SLC25A21: variants seen among roughly 807,000 people sequenced by gnomAD.
SLC25A21 encodes solute carrier family 25 member 21.
In SLC25A21, 47 loss-of-function variants were observed where a neutral mutation model predicts 43.8. That is an observed-to-expected ratio of 1.07 (90% CI 0.85 to 1.37). The LOEUF (loss-of-function observed/expected upper bound fraction) is 1.37. SLC25A21 is among the 40% of genes most tolerant of loss of function. The pLI, the probability that SLC25A21 is intolerant of heterozygous loss-of-function variation, is 0.00. For synonymous variants in SLC25A21, 131 were observed against 121.3 expected (o/e 1.08, Z -0.52); for missense variants, 352 against 350.2 (o/e 1.00, Z -0.04).
intron 3 of SLC25A21, among the ~76,000 whole-genome samples, chr14:36,740,004 A>T (rs982850009): frequency 2.6e-5 from 4 of 152,196 alleles, no homozygotes; most frequent in African/African-American, 9.7e-5. Flanking sequence ...AGCCCACAGG[A>T]AGAAAAGTCC....
chr14:36,981,636 A>G (rs113648730), intron 1 of SLC25A21, among the ~76,000 whole-genome samples: 11,653 of 152,124 alleles, frequency 0.077, 1,483 homozygotes, highest in African/African-American at 0.27. Flanking sequence ...GGAATTGAAC[A>G]ATGAGAACAC....
chr14:37,024,033 C>T (rs1961041730), intron 1 of SLC25A21, among the ~76,000 whole-genome samples: 1 of 152,096 alleles, frequency 6.6e-6, no homozygotes, highest in South Asian at 2.1e-4. Flanking sequence ...TAATTACTGG[C>T]TAAGGCCAGG....
chr14:36,741,590 G>A (rs552791366), intron 3 of SLC25A21, among the ~76,000 whole-genome samples: 1 of 152,270 alleles, frequency 6.6e-6, no homozygotes, highest in South Asian at 2.1e-4. Flanking sequence ...CCATCACACT[G>A]GGAAAGCCAG....
chr14:36,797,568 T>C (rs1032650638), intron 3 of SLC25A21, among the ~76,000 whole-genome samples: 12 of 152,208 alleles, frequency 7.9e-5, no homozygotes, highest in Non-Finnish European at 1.3e-4. Flanking sequence ...TGCTCTTATC[T>C]AGAAAGTTCA....
chr14:36,862,755 T>G (rs961038325), intron 2 of SLC25A21, among the ~76,000 whole-genome samples: 2 of 152,148 alleles, frequency 1.3e-5, no homozygotes, highest in African/African-American at 4.8e-5. Flanking sequence ...ACTTAAAGTA[T>G]AATTTAAAAA....
chr14:37,095,894 T>C (rs146176160), intron 1 of SLC25A21, among the ~76,000 whole-genome samples: 15 of 152,042 alleles, frequency 9.9e-5, no homozygotes, highest in African/African-American at 3.4e-4. Flanking sequence ...ATGAGACATA[T>C]ATAAACATCA....
At chr14:36,730,308 CT>C (rs1884767592) in intron 4 of SLC25A21, among the ~76,000 whole-genome samples, 1 of 152,152 alleles carries the variant, frequency 6.6e-6, no homozygotes, top group Non-Finnish European at 1.5e-5. Context: ...CATTTCCCCC[CT>C]TTTTTCTTCC....
At chr14:37,098,051 A>C (rs1160101978) in intron 1 of SLC25A21, 1 of 152,176 alleles carries the variant, frequency 6.6e-6, no homozygotes, top group Admixed American at 6.5e-5. Flanking sequence ...TGTTTTTCCA[A>C]ATAAAATCTT....
At chr14:37,093,570 C>T (rs181615588) in intron 1 of SLC25A21, among the ~76,000 whole-genome samples, 1 of 152,364 alleles carries the variant, frequency 6.6e-6, no homozygotes, top group East Asian at 1.9e-4. Context: ...TGACTAATTA[C>T]TCCCACAGGT....
At chr14:37,012,697 CG>C (rs1441897602) in intron 1 of SLC25A21, among the ~76,000 whole-genome samples, 4 of 152,024 alleles carry the variant, frequency 2.6e-5, no homozygotes, top group African/African-American at 9.7e-5. Flanking sequence ...CGTGGTAAGC[CG>C]AATTTCCCCA....
chr14:36,775,798 T>C (rs1886798834), intron 3 of SLC25A21, among the ~76,000 whole-genome samples: 1 of 152,198 alleles, frequency 6.6e-6, no homozygotes, highest in African/African-American at 2.4e-5. Flanking sequence ...CACTTTGCAC[T>C]CATCAATACT....
At chr14:37,060,432 A>T (rs758247606) in intron 1 of SLC25A21, among the ~76,000 whole-genome samples, 4 of 147,828 alleles carry the variant, frequency 2.7e-5, no homozygotes, top group Non-Finnish European at 6.0e-5. Flanking sequence ...TAATGATGTA[A>T]CCCAAGAGAA....
At chr14:36,736,233 C>A (rs1001152237) in intron 3 of SLC25A21, among the ~76,000 whole-genome samples, 2 of 152,076 alleles carry the variant, frequency 1.3e-5, no homozygotes, top group Non-Finnish European at 2.9e-5. Context: ...CCGTGCCCAG[C>A]CTGCCCACGA....
chr14:37,122,006 A>G (rs1483318417), intron 1 of SLC25A21, among the ~76,000 whole-genome samples: 2 of 152,022 alleles, frequency 1.3e-5, no homozygotes, highest in Non-Finnish European at 2.9e-5. Context: ...TCCTTTTATC[A>G]GTTTTATATA....
intron 1 of SLC25A21, among the ~76,000 whole-genome samples, chr14:36,890,016 G>C (rs1594671375): frequency 6.6e-6 from 1 of 152,138 alleles, no homozygotes; most frequent in Admixed American, 6.5e-5. Context: ...AGTGCCTACT[G>C]TGTACATAGT....
intron 1 of SLC25A21, among the ~76,000 whole-genome samples, chr14:36,962,884 A>G (rs189436043): frequency 9.5e-4 from 144 of 152,220 alleles, no homozygotes; most frequent in African/African-American, 3.3e-3. Flanking sequence ...ATAATTTATA[A>G]TTTTACTTCT....
chr14:37,118,403 A>G (rs369457682), intron 1 of SLC25A21, among the ~76,000 whole-genome samples: 2 of 43,550 alleles, frequency 4.6e-5, no homozygotes, highest in Non-Finnish European at 2.6e-4. Flanking sequence ...CCTCCTCCCA[A>G]CTATTTTTGA....
intron 1 of SLC25A21, chr14:37,098,554 T>C (rs985411276): frequency 6.6e-6 from 1 of 152,186 alleles, no homozygotes; most frequent in Non-Finnish European, 1.5e-5. Context: ...CAATTTTTGC[T>C]ATAAAAGAAG....
Position 37,015,088 on chromosome 14 carries a change from C to T in SLC25A21, c.71-140084G>A, listed in dbSNP as rs529045644. 1.4e-3 allele frequency among the ~76,000 whole-genome samples: 219 copies of T among 152,020 alleles called. 1 individual carries two copies. Among genetic ancestry groups the T allele is most frequent in the African/African-American group, 4.7e-3 (197 of 41,490 alleles). ...TAAGTATTAGGGTACATGTGCACAA[C>T]GTGCAGGTTAGTTACATATGTATAC... On this transcript the variant is annotated intron_variant, in intron 1 of 9. Transcript: ENST00000331299.
Sources: allele counts gnomAD v4.1 joint callset (sites outside exome capture counted in the v4.1 genomes callset), GRCh38; gene constraint gnomAD v4.1.1; transcripts MANE v1.5; gene names NCBI Gene and HGNC (gene_info 2026-07-23, HGNC 2026-07-21).